Variants in CNTN4 observed in about 807,000 individuals in gnomAD.
CNTN4 encodes contactin-4.
Under a neutral mutation model 122.5 loss-of-function variants are expected in CNTN4, and 77 were observed. The ratio of observed to expected loss-of-function variants is 0.63; its 90% CI spans 0.52 to 0.76. The LOEUF is 0.76. Ranked by LOEUF, CNTN4 falls within the 30% of genes least tolerant of loss-of-function variation. The pLI, the probability that CNTN4 is intolerant of heterozygous loss-of-function variation, is 0.00. For synonymous variants in CNTN4, 512 were observed against 447.0 expected (o/e 1.15, Z -1.83); for missense variants, 1,256 against 1,259.1 (o/e 1.00, Z 0.04).
At chr3:2,586,846 C>T (rs1223494970) in intron 4 of CNTN4, among the ~76,000 whole-genome samples, 1 of 152,148 alleles carries the variant, frequency 6.6e-6, no homozygotes, top group African/African-American at 2.4e-5. Flanking sequence ...AACATTTTAT[C>T]TCTGAATTGT....
At chr3:2,169,542 G>A (rs933236770) in intron 2 of CNTN4, among the ~76,000 whole-genome samples, 5 of 110,350 alleles carry the variant, frequency 4.5e-5, no homozygotes, top group South Asian at 3.3e-4. Context: ...GAGTAGCTGG[G>A]ACTACAGGCG....
intron 2 of CNTN4, among the ~76,000 whole-genome samples, chr3:2,265,576 A>C (rs776834362): frequency 6.6e-6 from 1 of 152,036 alleles, no homozygotes; most frequent in Non-Finnish European, 1.5e-5. Flanking sequence ...TAGAAATTTT[A>C]GGATTGTATT....
At chr3:2,278,165 C>G (rs762563265) in intron 2 of CNTN4, among the ~76,000 whole-genome samples, 14 of 152,120 alleles carry the variant, frequency 9.2e-5, no homozygotes, top group Non-Finnish European at 1.5e-4. Context: ...AGAGGAGCCT[C>G]TAACATAGGC....
In CNTN4 at chr3:2,266,783, G is replaced by A. The variant is rs78203114; in HGVS notation, c.-144-72395G>A. On this transcript the variant is annotated intron_variant, in intron 2 of 24. Coordinates refer to ENST00000418658, the MANE Select transcript of CNTN4 (RefSeq NM_175607.3). ...CTCAGAAGGATCTCTGAAGAGTTCT[G>A]GGAAGGTGACAGTCAACAGCAGAAT... Among the ~76,000 whole-genome samples, 679 of 152,188 alleles carry A rather than the reference G, an allele frequency of 4.5e-3. 3 individuals are homozygous for A. The highest frequency in any genetic ancestry group is 0.015 in the African/African-American group (614 of 41,554).
At chr3:2,585,569 C>G (rs897318898) in intron 4 of CNTN4, among the ~76,000 whole-genome samples, 1 of 151,814 alleles carries the variant, frequency 6.6e-6, no homozygotes, top group African/African-American at 2.4e-5. Context: ...AACCATCATT[C>G]TGAGCAAACT....
At chr3:2,590,037 A>G (rs978561115) in intron 4 of CNTN4, among the ~76,000 whole-genome samples, 2 of 152,278 alleles carry the variant, frequency 1.3e-5, no homozygotes, top group East Asian at 3.9e-4. Flanking sequence ...GTCAAAGAAT[A>G]TTTGGACGTA....
chr3:2,342,920 A>G (rs190996096), intron 3 of CNTN4, among the ~76,000 whole-genome samples: 57 of 152,336 alleles, frequency 3.7e-4, no homozygotes, highest in Admixed American at 3.3e-3. Context: ...TCCAGAAACT[A>G]AGGAGAGATG....
chr3:2,837,282 G>A (rs2093248630), intron 7 of CNTN4, among the ~76,000 whole-genome samples: 1 of 152,122 alleles, frequency 6.6e-6, no homozygotes, highest in Admixed American at 6.5e-5. Flanking sequence ...TGGACACATT[G>A]GTCTCCTGCA....
chr3:2,484,821 G>C (rs971367168), intron 3 of CNTN4, among the ~76,000 whole-genome samples: 1 of 152,234 alleles, frequency 6.6e-6, no homozygotes, highest in Non-Finnish European at 1.5e-5. Flanking sequence ...CCATGCTCGA[G>C]GAGCCCTTCA....
At chr3:2,924,568 T>A (rs924972466) in intron 12 of CNTN4, among the ~76,000 whole-genome samples, 2 of 152,156 alleles carry the variant, frequency 1.3e-5, no homozygotes, top group Non-Finnish European at 2.9e-5. Context: ...TGTCTTTTAT[T>A]TTACTTTTGT....
intron 13 of CNTN4, among the ~76,000 whole-genome samples, chr3:2,929,395 A>C (rs2094500415): frequency 1.3e-5 from 2 of 152,228 alleles, no homozygotes; most frequent in African/African-American, 2.4e-5. Context: ...AAAATACAGA[A>C]ATAGCAGAAT....
intron 2 of CNTN4, among the ~76,000 whole-genome samples, chr3:2,203,446 T>G (rs1325378876): frequency 6.6e-6 from 1 of 152,068 alleles, no homozygotes; most frequent in Non-Finnish European, 1.5e-5. Flanking sequence ...ATACCTCTCC[T>G]TCCTATCATA....
intron 3 of CNTN4, among the ~76,000 whole-genome samples, chr3:2,352,622 C>G (rs147718858): frequency 4.7e-4 from 72 of 152,260 alleles, no homozygotes; most frequent in African/African-American, 1.5e-3. Context: ...TCTGCTGCCT[C>G]CCCTTGGTGC....
chr3:2,537,448 A>T (rs2077855500), intron 3 of CNTN4, among the ~76,000 whole-genome samples: 1 of 152,018 alleles, frequency 6.6e-6, no homozygotes, highest in African/African-American at 2.4e-5. Flanking sequence ...AGGATACTTT[A>T]TGTTGTCTTT....
At chr3:2,159,410 G>T (rs182121860) in intron 2 of CNTN4, among the ~76,000 whole-genome samples, 159 of 152,138 alleles carry the variant, frequency 1.0e-3, no homozygotes, top group Non-Finnish European at 2.0e-3. Context: ...CCTATATCGG[G>T]TTCTTTTTCA....
In CNTN4 at chr3:2,642,260, G is replaced by A. The variant is rs11917875; in HGVS notation, c.55+70702G>A. Among the ~76,000 whole-genome samples, 1,295 of 152,310 alleles carry A rather than the reference G, an allele frequency of 8.5e-3. 22 individuals are homozygous for A. The highest frequency in any genetic ancestry group is 0.03 in the African/African-American group (1,227 of 41,572). On this transcript the variant is annotated intron_variant, in intron 4 of 24. Coordinates refer to ENST00000418658, the MANE Select transcript of CNTN4 (RefSeq NM_175607.3). ...CATGGAAGAAAGATGTAGGGTGGGA[G>A]ATTAAGCCCGTTCAGTCTTGCTACA...
At chr3:2,910,244 A>G (rs1043554230) in intron 12 of CNTN4, among the ~76,000 whole-genome samples, 2 of 152,208 alleles carry the variant, frequency 1.3e-5, no homozygotes, top group Non-Finnish European at 2.9e-5. Context: ...CATCCCTTAC[A>G]TCAATTCCCC....
chr3:2,806,187 C>T (rs1028669400), intron 6 of CNTN4, among the ~76,000 whole-genome samples: 2 of 152,168 alleles, frequency 1.3e-5, no homozygotes, highest in African/African-American at 4.8e-5. Flanking sequence ...AGGCGTGAGC[C>T]ACCGCGCCCA....
intron 4 of CNTN4, among the ~76,000 whole-genome samples, chr3:2,585,590 C>CA (rs1296904857): frequency 2.7e-5 from 4 of 149,278 alleles, no homozygotes; most frequent in African/African-American, 5.0e-5. Context: ...ATCGCATGGA[C>CA]AAAAAACCAA....
Sources: gnomAD v4.1 joint callset for allele counts (sites outside exome capture counted in the v4.1 genomes callset) on GRCh38, gnomAD v4.1.1 for gene constraint, MANE v1.5 for transcripts, NCBI Gene and HGNC (gene_info 2026-07-23, HGNC 2026-07-21) for gene names.